The following ZNF217 variants were observed in gnomAD, a reference collection of about 807,000 sequenced individuals.
ZNF217 encodes the protein zinc finger protein 217.
Under a neutral mutation model 73.3 loss-of-function variants are expected in ZNF217, and 12 were observed. The ratio of observed to expected loss-of-function variants is 0.16; its 90% CI spans 0.10 to 0.27. The LOEUF is 0.27. Ranked by LOEUF, ZNF217 falls within the 10% of genes least tolerant of loss-of-function variation. The pLI, the probability that ZNF217 is intolerant of heterozygous loss-of-function variation, is 1.00. For missense variants in ZNF217, 1,195 were observed against 1,327.8 expected (o/e 0.90, Z 1.55); for synonymous variants, 588 against 516.4 (o/e 1.14, Z -1.88).
rs778043664 is a variant in ZNF217, at chr20:53,571,732, CTAAT to C, written c.*8_*11del. 6.2e-7 allele frequency: 1 copy of C among 1,604,996 alleles called. No individual in the cohort carries two copies. Among genetic ancestry groups the C allele is most frequent in the Non-Finnish European group, 8.5e-7 (1 of 1,177,536 alleles). ...AAACATATGCTCACCTTTTTTCCCC[CTAAT>C]TAGTGAATCAAGTTTTTTTGTCATT... On this transcript the variant is annotated 3_prime_UTR_variant, in exon 5 of 6. Transcript: ENST00000371471.
intron 1 of ZNF217, among the ~76,000 whole-genome samples, chr20:53,593,322 C>T (rs1229153222): frequency 6.6e-6 from 1 of 152,146 alleles, no homozygotes; most frequent in Non-Finnish European, 1.5e-5. Flanking sequence ...CCGGGCATCG[C>T]GGGGGGACCC....
chr20:53,591,301 G>GA (rs1201312483), intron 1 of ZNF217, among the ~76,000 whole-genome samples: 1 of 152,156 alleles, frequency 6.6e-6, no homozygotes, highest in Non-Finnish European at 1.5e-5. Context: ...GGACACTAAA[G>GA]AAAAAAGTGT....
chr20:53,576,726 C>T lies in ZNF217; in HGVS notation c.2038G>A (p.Val680Met). The T allele has an allele frequency of 1.9e-6, 3 of 1,614,206 alleles. No individual in the cohort carries two copies. The highest frequency in any genetic ancestry group is 2.2e-5 in the South Asian group (2 of 91,078). The change falls in exon 4 of 6, where the codon GTG (valine) becomes ATG (methionine). Residue 680 changes from valine (V) to methionine (M), a missense_variant. By Grantham distance (21) the Val-to-Met change is conservative. Around this residue, in one of 9 missense-constraint regions of ZNF217, gnomAD observed 649 missense variants for 642.8 expected, o/e 1.01. Coordinates refer to ENST00000371471, the MANE Select transcript of ZNF217 (RefSeq NM_006526.3). The stretch of plus-strand genomic sequence containing the variant: ...TTTAAAGGTTTTTCGTGACAATCCA[C>T]ACTTGGCCTGTATCTGCAGTCAGCT... ...TAADCRYRPSVDCHEKPLNLS... is the reference protein window; with the variant it reads ...TAADCRYRPSMDCHEKPLNLS...
At chr20:53,593,631 G>C (rs1421348325) in intron 1 of ZNF217, 125 bp downstream of exon 1, 1 of 151,706 alleles carries the variant, frequency 6.6e-6, no homozygotes, top group African/African-American at 2.4e-5. Flanking sequence ...CTGAGACGGG[G>C]AACTGAGGTC....
intron 5 of ZNF217, 61 bp from the exon 6 acceptor site, chr20:53,569,325 C>A: frequency 8.5e-7 from 1 of 1,181,024 alleles, no homozygotes; most frequent in Non-Finnish European, 1.1e-6. Flanking sequence ...TTAGAAAATT[C>A]TTTCTTTAAA....
intron 5 of ZNF217, among the ~76,000 whole-genome samples, chr20:53,570,655 G>C (rs1241938829): frequency 6.6e-6 from 1 of 152,112 alleles, no homozygotes; most frequent in African/African-American, 2.4e-5. Context: ...TGAGCCTTAC[G>C]GGACGGCGGT....
intron 4 of ZNF217, 73 bp downstream of exon 4, chr20:53,575,654 C>G (rs1270782709): frequency 5.0e-6 from 7 of 1,411,880 alleles, no homozygotes; most frequent in Admixed American, 5.1e-5. Context: ...GGTACCATCT[C>G]CACTGAGAAT....
In ZNF217 at chr20:53,567,269, CAAAG is replaced by C. The variant is rs1299199873; in HGVS notation, c.*2015_*2018del. On this transcript the variant is annotated 3_prime_UTR_variant, in exon 6 of 6. Coordinates refer to ENST00000371471, the MANE Select transcript of ZNF217 (RefSeq NM_006526.3). ...ACCTCTATTATATGTACTGTTGTCTCAAAGAAAAAAAAATATAAAACCAGTAGTA... is the reference window on the plus strand; with the variant it reads ...ACCTCTATTATATGTACTGTTGTCTCAAAAAAAAATATAAAACCAGTAGTA... 2 of 151,630 alleles carry C rather than the reference CAAAG, an allele frequency of 1.3e-5. No individual in the cohort carries two copies. Among genetic ancestry groups the C allele is most frequent in the Non-Finnish European group, 2.9e-5 (2 of 67,838 alleles). The allele number at this position is 151,630 out of a possible 1,614,324, so 9.4% of individuals were successfully genotyped here.
upstream of ZNF217, among the ~76,000 whole-genome samples, chr20:53,595,318 T>C (rs1715678730): frequency 6.6e-6 from 1 of 152,190 alleles, no homozygotes; most frequent in African/African-American, 2.4e-5. Flanking sequence ...AGCCAAATAT[T>C]TGTGTTTTTA....
At position 53,576,422 on chromosome 20, in the gene ZNF217, G is replaced by T. The variant is rs144642118; in HGVS notation, c.2342C>A (p.Pro781Gln). Reference sequence around the variant, plus strand: ...AGATGGCAGGGATTTGGACTGCGCCGGGAAAGCAGACTTGGGCTTGGGTTT... The same window carrying T: ...AGATGGCAGGGATTTGGACTGCGCCTGGAAAGCAGACTTGGGCTTGGGTTT... ...FCKPKPKSAF[P>Q]AQSKSLPSAK... Residue 781 changes from proline (P) to glutamine (Q), a missense_variant, in exon 4 of 6, where the codon CCG (proline) becomes CAG (glutamine). Pro to Gln is a moderately conservative substitution (Grantham distance 76). Coordinates refer to ENST00000371471, the MANE Select transcript of ZNF217 (RefSeq NM_006526.3). The T allele has an allele frequency of 2.5e-6, 4 of 1,614,084 alleles. No homozygotes were observed. The highest frequency in any genetic ancestry group is 2.5e-6 in the Non-Finnish European group (3 of 1,180,036).
Position 53,576,408 on chromosome 20 carries a change from A to G in ZNF217, c.2356T>C (p.Ser786Pro). ...TGCTTCCCCTTCGCAGATGGCAGGG[A>G]TTTGGACTGCGCCGGGAAAGCAGAC... ...PKSAFPAQSK[S>P]LPSAKGKQSP... The change falls in exon 4 of 6, where the codon TCC (serine) becomes CCC (proline). Residue 786 changes from serine (S) to proline (P), a missense_variant. Physicochemically the swap from Ser to Pro is moderately conservative, Grantham distance 74. Coordinates refer to ENST00000371471, the MANE Select transcript of ZNF217 (RefSeq NM_006526.3). 1 of 1,614,180 alleles carries G rather than the reference A, an allele frequency of 6.2e-7. No individual in the cohort carries two copies. Among genetic ancestry groups the G allele is most frequent in the Non-Finnish European group, 8.5e-7 (1 of 1,180,034 alleles).
chr20:53,577,358 A>G lies in ZNF217; in HGVS notation c.1484-78T>C, dbSNP rs985044159. The G allele has an allele frequency of 3.1e-6, 4 of 1,302,074 alleles. No individual in the cohort carries two copies. The Admixed American group carries it at 1.0e-4, about 34-fold the overall frequency. The allele number at this position is 1,302,074 out of a possible 1,614,324, so 80.7% of individuals were successfully genotyped here. ...AGATCAAATATCTATTTATTAAGAA[A>G]ACAGGCTTCTTTCCTCCTTTTGCTT... On this transcript the variant is annotated intron_variant, in intron 3 of 5. Transcript: ENST00000371471.
chr20:53,569,428 G>A (rs1294221330), intron 5 of ZNF217, among the ~76,000 whole-genome samples, 164 bp from the exon 6 acceptor site: 1 of 152,144 alleles, frequency 6.6e-6, no homozygotes, highest in African/African-American at 2.4e-5. Context: ...TGTCGCCCAG[G>A]CTGGAGTGCA....
chr20:53,576,906 G>C lies in ZNF217; in HGVS notation c.1858C>G (p.Pro620Ala), dbSNP rs747917169. 3.1e-6 allele frequency: 5 copies of C among 1,614,026 alleles called. No individual in the cohort carries two copies. The highest frequency in any genetic ancestry group is 4.2e-6 in the Non-Finnish European group (5 of 1,180,050). ...SADKVNKNPT[P>A]AYLDLLKKRS... The stretch of plus-strand genomic sequence containing the variant: ...TTTTTTAACAGGTCCAGGTAAGCAG[G>C]GGTAGGGTTTTTATTCACTTTATCA... Residue 620 changes from proline to alanine, a missense_variant, in exon 4 of 6, where the codon CCT becomes GCT. Transcript: ENST00000371471.
intron 1 of ZNF217, among the ~76,000 whole-genome samples, chr20:53,583,594 T>G (rs1164057574): frequency 3.3e-5 from 5 of 152,244 alleles, no homozygotes; most frequent in Non-Finnish European, 7.3e-5. Flanking sequence ...CTATTTTAAA[T>G]CCAGTGTATA....
At position 53,572,060 on chromosome 20, in the gene ZNF217, T is replaced by A. The variant is rs544780775; in HGVS notation, c.3038-207A>T. Among the ~76,000 whole-genome samples the A allele has an allele frequency of 4.6e-5, 7 of 152,292 alleles. No individual in the cohort carries two copies. The East Asian group carries it at 5.8e-4, about 13-fold the overall frequency. ...CAGAATTTGGTTGATGTCACTAACA[T>A]TAAAATTGTCTGGGCTGTCACTAGA... On this transcript the variant is annotated intron_variant, in intron 4 of 5. Transcript: ENST00000371471.
intron 4 of ZNF217, chr20:53,572,527 A>G (rs556844019): frequency 3.9e-5 from 6 of 152,092 alleles, no homozygotes; most frequent in Non-Finnish European, 5.9e-5. Context: ...ATGGGGGGGG[A>G]AATGAAGATT....
chr20:53,575,356 T>G (rs987434799), intron 4 of ZNF217: 23 of 175,656 alleles, frequency 1.3e-4, no homozygotes, highest in African/African-American at 5.3e-4. Context: ...ACATATAGTC[T>G]CAGCTACCTG....
chr20:53,571,681 C>G (rs1344434083), intron 5 of ZNF217, 40 bp downstream of exon 5: 2 of 1,583,992 alleles, frequency 1.3e-6, no homozygotes, highest in Admixed American at 3.6e-5. Flanking sequence ...GGCCACCGCA[C>G]TCAGCCAATC....
Sources: gnomAD v4.1 joint callset for allele counts (sites outside exome capture counted in the v4.1 genomes callset) on GRCh38, gnomAD v4.1.1 for gene constraint, gnomAD v4.1.1 regional missense constraint, MANE v1.5 for transcripts, NCBI Gene and HGNC (gene_info 2026-07-23, HGNC 2026-07-21) for gene names.